The following MAML3 variants were observed in gnomAD, a reference collection of about 807,000 sequenced individuals.
MAML3 encodes mastermind like transcriptional coactivator 3, also known as mastermind-like protein 3.
In MAML3, 27 loss-of-function variants were observed where a neutral mutation model predicts 101.9. The observed-to-expected ratio is 0.27, with a 90% CI of 0.20 to 0.37. The LOEUF (loss-of-function observed/expected upper bound fraction) is 0.37. MAML3 is among the 10% of genes least tolerant of loss of function. The pLI is 1.00. For missense variants in MAML3, 1,316 were observed against 1,444.9 expected, an observed-to-expected ratio of 0.91 and a Z score of 1.45; for synonymous variants, 501 against 555.9, an observed-to-expected ratio of 0.90 and a Z score of 1.39.
rs979229683 is a variant in MAML3 at position 139,872,147 on chromosome 4, T to C, written c.2079+17210A>G. ...GAGAAATAACCCTTGCATTTGATCA[T>C]TGTAACTTGGACAACATTTCACTCT... On this transcript the variant is annotated intron_variant, in intron 2 of 4. Coordinates refer to ENST00000509479, the MANE Select transcript of MAML3 (RefSeq NM_018717.5). Among the ~76,000 whole-genome samples the C allele has an allele frequency of 4.6e-5, 7 of 152,316 alleles. No homozygotes were observed. The East Asian group carries it at 9.7e-4, about 21-fold the overall frequency.
chr4:140,096,885 T>A (rs1212335544), intron 1 of MAML3, among the ~76,000 whole-genome samples: 1 of 101,988 alleles, frequency 9.8e-6, no homozygotes, highest in Non-Finnish European at 2.1e-5. Context: ...TTAAGATGAT[T>A]TCTATCAAGG....
In MAML3 at chr4:139,716,762, A is replaced by C. The variant is rs551116543; in HGVS notation, c.*2561T>G. The C allele has an allele frequency of 6.6e-6, 1 of 152,604 alleles. No homozygotes were observed. Among genetic ancestry groups the C allele is most frequent in the South Asian group, 2.1e-4 (1 of 4,830 alleles). 9.5% of individuals were successfully genotyped at this position (152,604 alleles called of 1,614,324 possible). A position where few individuals can be genotyped will look rare whatever the true frequency, so the allele number is the denominator to read the frequency against. On this transcript the variant is annotated 3_prime_UTR_variant, in exon 5 of 5. Coordinates refer to ENST00000509479, the MANE Select transcript of MAML3 (RefSeq NM_018717.5). ...TAAACTATACTTTGGATTGATTCAGATAATCTTTTATTTTTGTTTTTGTTT... is the reference window on the plus strand; with the variant it reads ...TAAACTATACTTTGGATTGATTCAGCTAATCTTTTATTTTTGTTTTTGTTT...
intron 1 of MAML3, among the ~76,000 whole-genome samples, chr4:140,067,950 C>T (rs1337312553): frequency 1.3e-5 from 2 of 152,142 alleles, no homozygotes; most frequent in South Asian, 2.1e-4. Context: ...AGACTGGTCT[C>T]GAACTCCTGA....
At chr4:140,049,177 G>C (rs964901196) in intron 1 of MAML3, among the ~76,000 whole-genome samples, 2 of 152,060 alleles carry the variant, frequency 1.3e-5, no homozygotes, top group South Asian at 2.1e-4. Context: ...GGCATTTATC[G>C]CAAGTACAGC....
chr4:139,802,916 T>C (rs1730633515), intron 2 of MAML3, among the ~76,000 whole-genome samples: 1 of 152,250 alleles, frequency 6.6e-6, no homozygotes, highest in Non-Finnish European at 1.5e-5. Context: ...TATTATTACC[T>C]AAAAGACAAA....
intron 1 of MAML3, among the ~76,000 whole-genome samples, chr4:139,910,411 C>G (rs957267721): frequency 1.3e-5 from 2 of 152,166 alleles, no homozygotes; most frequent in African/African-American, 4.8e-5. Context: ...CTGCATGTGG[C>G]TACTGAATAC....
At chr4:139,862,422 T>G (rs1041383237) in intron 2 of MAML3, among the ~76,000 whole-genome samples, 12 of 152,296 alleles carry the variant, frequency 7.9e-5, no homozygotes, top group African/African-American at 2.9e-4. Context: ...CCTCCCCAAC[T>G]CCAAACTGCG....
intron 1 of MAML3, among the ~76,000 whole-genome samples, chr4:140,071,052 C>A (rs1252781143): frequency 1.3e-5 from 2 of 152,208 alleles, no homozygotes; most frequent in Admixed American, 1.3e-4. Context: ...GCCCTGAACT[C>A]CAGCTTCCAG....
At chr4:139,970,656 T>A (rs1734220695) in intron 1 of MAML3, among the ~76,000 whole-genome samples, 1 of 152,190 alleles carries the variant, frequency 6.6e-6, no homozygotes, top group African/African-American at 2.4e-5. Context: ...GGGAACAAGG[T>A]CAGCTAGAGA....
intron 1 of MAML3, among the ~76,000 whole-genome samples, chr4:140,039,208 C>T (rs1323963064): frequency 1.3e-5 from 2 of 152,118 alleles, no homozygotes; most frequent in Admixed American, 1.3e-4. Flanking sequence ...AGGGAAATCA[C>T]AGAAAGAAGA....
At chr4:140,011,423 C>T (rs1726561378) in intron 1 of MAML3, among the ~76,000 whole-genome samples, 1 of 142,966 alleles carries the variant, frequency 7.0e-6, no homozygotes, top group Non-Finnish European at 1.5e-5. Flanking sequence ...CGGCTCACTG[C>T]AAGCTCCGCT....
In MAML3 at chr4:139,989,878, C is replaced by CAGAGAG. The variant is rs774170955; in HGVS notation, c.469-98912_469-98911insCTCTCT. 2.0e-3 allele frequency among the ~76,000 whole-genome samples: 99 copies of CAGAGAG among 49,066 alleles called. 1 individual carries two copies. In the Middle Eastern group the frequency reaches 0.037, roughly 19 times the overall value. The allele number at this position is 49,066 out of a possible 152,430, so 32.2% of individuals were successfully genotyped here. A position where few individuals can be genotyped will look rare whatever the true frequency, so the allele number is the denominator to read the frequency against. On this transcript the variant is annotated intron_variant, in intron 1 of 4. Coordinates refer to ENST00000509479, the MANE Select transcript of MAML3 (RefSeq NM_018717.5). ...ACACACACACACACACACACACACA[C>CAGAGAG]ACACAGAGAGAGAGAGAGAGAGAAA...
Position 139,936,814 on chromosome 4 carries a change from G to A in MAML3, c.469-45847C>T, listed in dbSNP as rs535262585. ...TCCTCAACAAAGCCACTTAAATAGC[G>A]TTTAAAAAGTGACCCCCCTGAAAGA... On this transcript the variant is annotated intron_variant, in intron 1 of 4. Coordinates refer to ENST00000509479, the MANE Select transcript of MAML3 (RefSeq NM_018717.5). 5.3e-5 allele frequency among the ~76,000 whole-genome samples: 8 copies of A among 152,128 alleles called. No homozygotes were observed. In the South Asian group the frequency reaches 8.3e-4, roughly 16 times the overall value.
chr4:140,097,898 C>T (rs1728189555), intron 1 of MAML3, among the ~76,000 whole-genome samples: 1 of 152,212 alleles, frequency 6.6e-6, no homozygotes, highest in South Asian at 2.1e-4. Flanking sequence ...CATGAACCAG[C>T]TATCACTGAC....
chr4:140,124,374 G>C (rs965765121), intron 1 of MAML3, among the ~76,000 whole-genome samples: 5 of 152,102 alleles, frequency 3.3e-5, no homozygotes, highest in Non-Finnish European at 2.9e-5. Context: ...GACTTATTTC[G>C]TGGCTCTTAG....
intron 1 of MAML3, among the ~76,000 whole-genome samples, chr4:140,133,722 C>G (rs1728835198): frequency 6.6e-6 from 1 of 152,128 alleles, no homozygotes; most frequent in African/African-American, 2.4e-5. Flanking sequence ...AAAGGTAGAA[C>G]AGTCAAAAAC....
chr4:139,790,047 T>G (rs1174360481), intron 2 of MAML3, among the ~76,000 whole-genome samples: 2 of 151,696 alleles, frequency 1.3e-5, no homozygotes, highest in African/African-American at 4.9e-5. Flanking sequence ...CTGCAATTAT[T>G]CAGGCACTTT....
At chr4:139,828,692 G>C (rs747183694) in intron 2 of MAML3, among the ~76,000 whole-genome samples, 12 of 149,402 alleles carry the variant, frequency 8.0e-5, no homozygotes, top group Non-Finnish European at 1.3e-4. Flanking sequence ...GCAAGAGAAG[G>C]CTTTGCAGAA....
chr4:139,762,970 T>C (rs1729785198), intron 2 of MAML3, among the ~76,000 whole-genome samples: 1 of 152,178 alleles, frequency 6.6e-6, no homozygotes, highest in Non-Finnish European at 1.5e-5. Flanking sequence ...TTCCTCTGGC[T>C]TCTCTTGGCA....
Sources: gnomAD v4.1 joint callset for allele counts (sites outside exome capture counted in the v4.1 genomes callset) on GRCh38, gnomAD v4.1.1 for gene constraint, MANE v1.5 for transcripts, NCBI Gene and HGNC (gene_info 2026-07-23, HGNC 2026-07-21) for gene names.